ULK4: variants seen among roughly 807,000 people sequenced by gnomAD.
ULK4 encodes inactive serine/threonine-protein kinase ULK4.
ULK4 carries 133 observed loss-of-function variants against 160.6 expected under a neutral mutation model. The observed-to-expected ratio is 0.83, with a 90% CI of 0.72 to 0.96. ULK4 has a LOEUF of 0.96. ULK4 is among the 40% of genes least tolerant of loss of function. The pLI, the probability that ULK4 is intolerant of heterozygous loss-of-function variation, is 0.00. For synonymous variants in ULK4, 534 were observed against 539.8 expected (o/e 0.99, Z 0.15); for missense variants, 1,580 against 1,499.5 (o/e 1.05, Z -0.89).
At chr3:41,289,821 ATGT>A (rs2079525009) in intron 35 of ULK4, among the ~76,000 whole-genome samples, 1 of 144,660 alleles carries the variant, frequency 6.9e-6, no homozygotes, top group South Asian at 2.2e-4. Flanking sequence ...GTATGTATGT[ATGT>A]ATGTATGTAT....
intron 34 of ULK4, among the ~76,000 whole-genome samples, chr3:41,454,177 T>TAAAAA (rs776400442): frequency 7.7e-6 from 1 of 129,968 alleles, no homozygotes; most frequent in African/African-American, 2.8e-5. Context: ...AAAGTATAAT[T>TAAAAA]AAAAAAAAAA....
chr3:41,795,197 T>A (rs929860301), intron 20 of ULK4, among the ~76,000 whole-genome samples: 3 of 152,250 alleles, frequency 2.0e-5, no homozygotes, highest in African/African-American at 7.2e-5. Flanking sequence ...TCCAAATGCA[T>A]ATACTCAGTT....
chr3:41,547,620 A>T (rs892925320), intron 32 of ULK4, among the ~76,000 whole-genome samples: 1 of 152,136 alleles, frequency 6.6e-6, no homozygotes, highest in African/African-American at 2.4e-5. Flanking sequence ...GATTTCACAC[A>T]GGGTCCCACG....
At chr3:41,883,507 G>C (rs1428922564) in intron 17 of ULK4, among the ~76,000 whole-genome samples, 1 of 152,230 alleles carries the variant, frequency 6.6e-6, no homozygotes, top group Non-Finnish European at 1.5e-5. Context: ...CATTCAAGGT[G>C]AAAGGCCAAA....
At chr3:41,419,108 T>A (rs926095022) in intron 34 of ULK4, among the ~76,000 whole-genome samples, 2 of 152,106 alleles carry the variant, frequency 1.3e-5, no homozygotes, top group African/African-American at 4.8e-5. Flanking sequence ...AATGATAAAA[T>A]AAATGTAGAA....
Position 41,525,711 on chromosome 3 carries a change from T to C in ULK4, c.3226+40314A>G, listed in dbSNP as rs529935514. On this transcript the variant is annotated intron_variant, in intron 32 of 36. Transcript: ENST00000301831. ...TATGTCATTTTGTATCTGTATTTCC[T>C]AGCATACAATGTGCCCTTTTTATCT... Among the ~76,000 whole-genome samples, 87 of 152,388 alleles carry C rather than the reference T, an allele frequency of 5.7e-4. 2 individuals carry two copies. In the South Asian group the frequency reaches 0.017, roughly 30 times the overall value.
intron 35 of ULK4, among the ~76,000 whole-genome samples, chr3:41,267,071 C>T (rs1419763313): frequency 1.5e-5 from 2 of 136,680 alleles, no homozygotes; most frequent in African/African-American, 5.5e-5. Context: ...TTCCAGGATA[C>T]ATGTACAGTA....
chr3:41,491,699 ATTT>A (rs869141156), intron 32 of ULK4, among the ~76,000 whole-genome samples: 1 of 107,858 alleles, frequency 9.3e-6, no homozygotes, highest in African/African-American at 3.2e-5. Context: ...GAATTTTTAT[ATTT>A]TTTTTTATTC....
intron 5 of ULK4, among the ~76,000 whole-genome samples, chr3:41,928,005 T>G (rs553537118): frequency 6.6e-6 from 1 of 152,302 alleles, no homozygotes; most frequent in East Asian, 1.9e-4. Context: ...CAAGCAGACC[T>G]AATAGACATC....
intron 32 of ULK4, among the ~76,000 whole-genome samples, chr3:41,492,044 C>CTA (rs2084791879): frequency 6.6e-6 from 1 of 151,852 alleles, no homozygotes; most frequent in African/African-American, 2.4e-5. Flanking sequence ...ATCCATGTCC[C>CTA]TACAAAGGAC....
chr3:41,887,508 G>C (rs1198742032), intron 16 of ULK4, among the ~76,000 whole-genome samples: 1 of 152,084 alleles, frequency 6.6e-6, no homozygotes. Flanking sequence ...AAACCAAAAA[G>C]CCTAAACACT....
At chr3:41,703,594 G>T (rs2036756825) in intron 27 of ULK4, among the ~76,000 whole-genome samples, 1 of 151,566 alleles carries the variant, frequency 6.6e-6, no homozygotes, top group Non-Finnish European at 1.5e-5. Flanking sequence ...ACCCCAAAAA[G>T]TTAGAAAAGG....
intron 32 of ULK4, among the ~76,000 whole-genome samples, chr3:41,469,602 C>CAA (rs71616008): frequency 0.024 from 266 of 10,960 alleles, 4 homozygotes; most frequent in Admixed American, 0.037. Context: ...CTACACCTGC[C>CAA]AAAAAAAAAA....
At chr3:41,362,149 C>T (rs1033997883) in intron 35 of ULK4, among the ~76,000 whole-genome samples, 4 of 152,148 alleles carry the variant, frequency 2.6e-5, no homozygotes, top group African/African-American at 9.7e-5. Context: ...ACAGTTGAGT[C>T]TAGCAAGTTT....
chr3:41,272,146 A>G (rs1253702392), intron 35 of ULK4, among the ~76,000 whole-genome samples: 1 of 151,896 alleles, frequency 6.6e-6, no homozygotes, highest in East Asian at 1.9e-4. Flanking sequence ...CAAACAACTG[A>G]CCTCAAGTGA....
chr3:41,802,087 G>A (rs2040478820), intron 19 of ULK4, among the ~76,000 whole-genome samples: 1 of 151,770 alleles, frequency 6.6e-6, no homozygotes. Flanking sequence ...GATAAAATAA[G>A]TACCATTCTG....
intron 31 of ULK4, among the ~76,000 whole-genome samples, chr3:41,585,539 A>T (rs1001105149): frequency 6.6e-6 from 1 of 152,226 alleles, no homozygotes; most frequent in Non-Finnish European, 1.5e-5. Flanking sequence ...TAAAGACATA[A>T]ATGTAAGCTC....
Position 41,918,521 on chromosome 3 carries a change from T to C in ULK4, c.663A>G (p.Ser221=). 6.3e-7 allele frequency: 1 copy of C among 1,580,522 alleles called. No individual in the cohort carries two copies. Among genetic ancestry groups the C allele is most frequent in the Non-Finnish European group, 8.6e-7 (1 of 1,164,504 alleles). ...EMFSGKPPFF[S]ESISELTEKI... ...TTTCAGTTAATTCTGAAATACTTTC[T>C]GAGAAGAATGGAGGTTTTCCTGAAA... The change falls in exon 7 of 37, where the codon TCA becomes TCG. Residue 221 remains serine, a synonymous_variant. Transcript: ENST00000301831.
chr3:41,930,067 G>A (rs7616780), intron 5 of ULK4, among the ~76,000 whole-genome samples: 112,383 of 151,978 alleles, frequency 0.74, 42,873 homozygotes, highest in East Asian at 0.83. Context: ...TGGAGGCATC[G>A]CACTACCTAA....
Sources: gnomAD v4.1 joint callset for allele counts (sites outside exome capture counted in the v4.1 genomes callset) on GRCh38, gnomAD v4.1.1 for gene constraint, MANE v1.5 for transcripts, NCBI Gene and HGNC (gene_info 2026-07-23, HGNC 2026-07-21) for gene names.